Variants in ZNF385D observed in about 807,000 individuals in gnomAD.
ZNF385D encodes zinc finger protein 385D.
In ZNF385D, 15 loss-of-function variants were observed where a neutral mutation model predicts 35.8. The observed-to-expected ratio is 0.42, with a 90% CI of 0.28 to 0.64. The LOEUF is 0.64. ZNF385D is among the 30% of genes least tolerant of loss of function. The pLI is 0.23. For synonymous variants in ZNF385D, 212 were observed against 186.8 expected, an observed-to-expected ratio of 1.13 and a Z score of -1.10; for missense variants, 474 against 494.6, an observed-to-expected ratio of 0.96 and a Z score of 0.39.
intron 3 of ZNF385D, among the ~76,000 whole-genome samples, chr3:22,091,863 AAC>A (rs1701349564): frequency 6.6e-6 from 1 of 152,160 alleles, no homozygotes; most frequent in East Asian, 1.9e-4. Flanking sequence ...GTAGGTGGTT[AAC>A]TTTACAACTT....
chr3:22,302,394 T>C (rs1702950035), intron 2 of ZNF385D, among the ~76,000 whole-genome samples: 1 of 151,386 alleles, frequency 6.6e-6, no homozygotes, highest in South Asian at 2.1e-4. Flanking sequence ...TATATATACA[T>C]TATATAATTG....
At chr3:21,627,386 A>G (rs759291081) in intron 2 of ZNF385D, among the ~76,000 whole-genome samples, 1 of 151,860 alleles carries the variant, frequency 6.6e-6, no homozygotes, top group African/African-American at 2.4e-5. Flanking sequence ...ACATGCTTCA[A>G]TTTACACTGG....
intron 2 of ZNF385D, among the ~76,000 whole-genome samples, chr3:22,217,634 A>G (rs1466063049): frequency 1.3e-5 from 2 of 152,196 alleles, no homozygotes; most frequent in Non-Finnish European, 2.9e-5. Context: ...TTGTGTTAAA[A>G]GATTTGTAAA....
At chr3:21,969,014 A>G (rs185693361) in intron 3 of ZNF385D, among the ~76,000 whole-genome samples, 4 of 152,276 alleles carry the variant, frequency 2.6e-5, no homozygotes, top group Non-Finnish European at 4.4e-5. Context: ...CAGATCTGGC[A>G]GCTTTTACCA....
intron 3 of ZNF385D, among the ~76,000 whole-genome samples, chr3:21,833,709 C>A (rs552784208): frequency 1.3e-5 from 2 of 152,256 alleles, no homozygotes; most frequent in African/African-American, 4.8e-5. Flanking sequence ...GAGCAGGAGA[C>A]TTGGAATCAA....
intron 4 of ZNF385D, among the ~76,000 whole-genome samples, chr3:21,447,779 G>A (rs1392165654): frequency 6.6e-6 from 1 of 152,136 alleles, no homozygotes; most frequent in Non-Finnish European, 1.5e-5. Context: ...TGTGAAGATA[G>A]TCAAGCCAAG....
intron 3 of ZNF385D, among the ~76,000 whole-genome samples, chr3:22,095,271 G>A (rs961761114): frequency 7.9e-5 from 12 of 151,280 alleles, no homozygotes; most frequent in Non-Finnish European, 1.3e-4. Flanking sequence ...AGTATAAATC[G>A]TTTTATATTA....
Position 21,881,215 on chromosome 3 carries a change from C to A in ZNF385D, c.326-216187G>T, listed in dbSNP as rs138437779. ...ACAGCCTTACATTGAAAGAGGATGT[C>A]ATTTAGGACTTTCATAGCTCTAAGG... is the stretch of plus-strand genomic sequence containing the variant. On this transcript the variant is annotated intron_variant, in intron 3 of 5. Coordinates refer to the ZNF385D transcript ENST00000494108. Among the ~76,000 whole-genome samples the A allele has an allele frequency of 4.6e-3, 703 of 151,820 alleles. 9 individuals are homozygous for A. Among genetic ancestry groups the A allele is most frequent in the African/African-American group, 0.016 (683 of 41,494 alleles).
chr3:22,121,700 A>C lies in ZNF385D; in HGVS notation c.325+47117T>G, dbSNP rs889728992. Among the ~76,000 whole-genome samples, 10 of 151,580 alleles carry C rather than the reference A, an allele frequency of 6.6e-5. 1 individual carries two copies. Among genetic ancestry groups the C allele is most frequent in the East Asian group, 3.9e-4 (2 of 5,146 alleles). ...TTTTTTTTTTTTTTAAATAATGACA[A>C]GTGAGAATTGCTGGGTAAACACAAT... On this transcript the variant is annotated intron_variant, in intron 3 of 5. Transcript: ENST00000494108.
intron 3 of ZNF385D, among the ~76,000 whole-genome samples, chr3:22,138,255 A>G (rs1704275644): frequency 6.6e-6 from 1 of 152,230 alleles, no homozygotes; most frequent in South Asian, 2.1e-4. Flanking sequence ...GGCAATTTAT[A>G]GATTCAATGC....
chr3:22,300,186 C>T (rs574809363), intron 2 of ZNF385D, among the ~76,000 whole-genome samples: 1 of 151,748 alleles, frequency 6.6e-6, no homozygotes, highest in African/African-American at 2.4e-5. Flanking sequence ...CAAAATGTAC[C>T]AAGAATGTAC....
At chr3:21,948,882 A>G (rs1701923151) in intron 3 of ZNF385D, among the ~76,000 whole-genome samples, 3 of 152,210 alleles carry the variant, frequency 2.0e-5, no homozygotes, top group Non-Finnish European at 4.4e-5. Context: ...ATTTTAGGAT[A>G]AAATTAACAA....
intron 3 of ZNF385D, among the ~76,000 whole-genome samples, chr3:21,899,418 T>C (rs1307798775): frequency 6.6e-6 from 1 of 152,026 alleles, no homozygotes; most frequent in South Asian, 2.1e-4. Flanking sequence ...AACATCAGAG[T>C]TATCTAAAGG....
chr3:21,755,362 G>C (rs750418299), upstream of ZNF385D, among the ~76,000 whole-genome samples: 5 of 152,020 alleles, frequency 3.3e-5, no homozygotes, highest in Admixed American at 2.0e-4. Flanking sequence ...ATCCACCAAG[G>C]TCGTTAAGGT....
At chr3:22,129,797 G>C (rs1289183522) in intron 3 of ZNF385D, among the ~76,000 whole-genome samples, 1 of 152,124 alleles carries the variant, frequency 6.6e-6, no homozygotes, top group Non-Finnish European at 1.5e-5. Flanking sequence ...AGGGCATTTA[G>C]GAGTCTGAGT....
chr3:21,812,665 C>T (rs545677509), intron 3 of ZNF385D, among the ~76,000 whole-genome samples: 24 of 152,332 alleles, frequency 1.6e-4, no homozygotes, highest in African/African-American at 5.5e-4. Context: ...TGCGCCATTG[C>T]TGAGGCTTGA....
intron 3 of ZNF385D, among the ~76,000 whole-genome samples, chr3:21,828,085 G>C (rs143787847): frequency 1.3e-5 from 2 of 152,270 alleles, no homozygotes; most frequent in African/African-American, 4.8e-5. Context: ...GGAATATTAT[G>C]TCTGTAAGCA....
intron 2 of ZNF385D, among the ~76,000 whole-genome samples, chr3:22,318,112 A>G (rs115841697): frequency 0.028 from 4,194 of 152,178 alleles, 94 homozygotes; most frequent in Non-Finnish European, 0.045. Flanking sequence ...AGAGTGCTCA[A>G]TGTGTTTTGG....
intron 3 of ZNF385D, among the ~76,000 whole-genome samples, chr3:21,932,474 T>C (rs1701062175): frequency 6.6e-6 from 1 of 152,046 alleles, no homozygotes; most frequent in Non-Finnish European, 1.5e-5. Context: ...ATAGGTACTG[T>C]TATCCCTCTA....
Sources: allele counts gnomAD v4.1 joint callset (sites outside exome capture counted in the v4.1 genomes callset), GRCh38; gene constraint gnomAD v4.1.1; transcripts MANE v1.5; gene names NCBI Gene and HGNC (gene_info 2026-07-23, HGNC 2026-07-21).